The following PMFBP1 variants were observed in gnomAD, a reference collection of about 807,000 sequenced individuals.
PMFBP1 encodes the protein polyamine modulated factor 1 binding protein 1.
PMFBP1 carries 131 observed loss-of-function variants against 137.8 expected under a neutral mutation model. That is an observed-to-expected ratio of 0.95 (90% CI 0.82 to 1.10). The LOEUF is 1.10. PMFBP1 is among the 50% of genes least tolerant of loss of function. The pLI, the probability that PMFBP1 is intolerant of heterozygous loss-of-function variation, is 0.00. For synonymous variants in PMFBP1, 490 were observed against 450.4 expected, an observed-to-expected ratio of 1.09 and a Z score of -1.11; for missense variants, 1,199 against 1,175.4, an observed-to-expected ratio of 1.02 and a Z score of -0.29.
In PMFBP1 at chr16:72,164,838, C is replaced by G. The variant is rs370417430; in HGVS notation, c.91G>C (p.Asp31His). 1 of 1,610,010 alleles carries G rather than the reference C, an allele frequency of 6.2e-7. No individual in the cohort carries two copies. The highest frequency in any genetic ancestry group is 8.5e-7 in the Non-Finnish European group (1 of 1,176,696). ...GTCTTCCTCTGTCTCTTGCAGACAT[C>G]GTGCAGATTCTTGATGTCAAGTTGC... is the stretch of plus-strand genomic sequence containing the variant. ...SLQLDIKNLH[D>H]VCKRQRKTLQ... The change falls in exon 3 of 21, where the codon GAT becomes CAT. Residue 31 changes from aspartate to histidine, a missense_variant. By Grantham distance (81) the Asp-to-His change is moderately conservative. Coordinates refer to ENST00000237353, the MANE Select transcript of PMFBP1 (RefSeq NM_031293.3).
chr16:72,207,569 G>C, the PMFBP1 span, among the ~76,000 whole-genome samples: 9 of 152,104 alleles, frequency 5.9e-5, no homozygotes, highest in African/African-American at 1.2e-4. Context: ...GAGGTTGTGA[G>C]AGGAGGGCTG....
At chr16:72,174,815 T>C (rs1435384577), upstream of PMFBP1, among the ~76,000 whole-genome samples, 1 of 152,170 alleles carries the variant, frequency 6.6e-6, no homozygotes, top group Non-Finnish European at 1.5e-5. Flanking sequence ...ACCCCATGAT[T>C]CAATTACCTC....
chr16:72,137,480 G>C (rs2042650036), intron 7 of PMFBP1, among the ~76,000 whole-genome samples: 1 of 152,228 alleles, frequency 6.6e-6, no homozygotes, highest in African/African-American at 2.4e-5. Flanking sequence ...GCAATTTTAA[G>C]TAGGAGGATG....
Position 72,140,528 on chromosome 16 carries a change from T to C in PMFBP1, c.691A>G (p.Met231Val). The change falls in exon 6 of 21, where the codon ATG becomes GTG. Residue 231 changes from methionine (M) to valine (V), a missense_variant. Coordinates refer to ENST00000237353, the MANE Select transcript of PMFBP1 (RefSeq NM_031293.3). ...SKVRIYTSPC[M>V]IQEHQETQKR... ...TGAGTCTCCTGATGCTCTTGAATCA[T>C]GCAAGGAGAAGTGTATATCCGTACC... 6.8e-6 allele frequency: 11 copies of C among 1,613,494 alleles called. No individual in the cohort carries two copies. The highest frequency in any genetic ancestry group is 2.7e-5 in the African/African-American group (2 of 75,038).
At chr16:72,134,620 C>T (rs982861666) in intron 9 of PMFBP1, among the ~76,000 whole-genome samples, 1 of 152,232 alleles carries the variant, frequency 6.6e-6, no homozygotes, top group Non-Finnish European at 1.5e-5. Flanking sequence ...TGTCTGACCT[C>T]ACCCCTTGCC....
the PMFBP1 span, among the ~76,000 whole-genome samples, chr16:72,205,129 G>C: frequency 1.1e-4 from 16 of 152,288 alleles, no homozygotes; most frequent in Admixed American, 1.0e-3. Flanking sequence ...CCAGGACCAG[G>C]GCCTTACAGT....
chr16:72,122,754 A>C (rs1391357868), intron 19 of PMFBP1, among the ~76,000 whole-genome samples, 160 bp downstream of exon 19: 1 of 152,132 alleles, frequency 6.6e-6, no homozygotes, highest in Non-Finnish European at 1.5e-5. Flanking sequence ...TGATATACCC[A>C]AGGTCACATA....
the PMFBP1 span, among the ~76,000 whole-genome samples, chr16:72,215,905 T>C: frequency 6.6e-6 from 1 of 152,204 alleles, no homozygotes; most frequent in Non-Finnish European, 1.5e-5. Flanking sequence ...AGGATAAATA[T>C]ACTAACTACC....
At chr16:72,208,133 C>T in the PMFBP1 span, among the ~76,000 whole-genome samples, 1 of 152,206 alleles carries the variant, frequency 6.6e-6, no homozygotes, top group Non-Finnish European at 1.5e-5. Context: ...AAATGTTAAA[C>T]TCATCCACAA....
chr16:72,195,275 C>A, the PMFBP1 span, among the ~76,000 whole-genome samples: 2 of 152,170 alleles, frequency 1.3e-5, no homozygotes, highest in Non-Finnish European at 2.9e-5. Context: ...GTTCTCTGAG[C>A]CGCACTGCAG....
the PMFBP1 span, among the ~76,000 whole-genome samples, chr16:72,230,853 A>G: frequency 6.6e-6 from 1 of 152,132 alleles, no homozygotes; most frequent in Admixed American, 6.6e-5. Flanking sequence ...TGCTCCCTCC[A>G]TTCCATCACT....
intron 18 of PMFBP1, 38 bp downstream of exon 18, chr16:72,123,508 G>C (rs1488826347): frequency 6.3e-7 from 1 of 1,590,438 alleles, no homozygotes; most frequent in East Asian, 2.2e-5. Context: ...CTCAGTCCAG[G>C]CCTCGGACCC....
intron 11 of PMFBP1, 36 bp from the exon 12 acceptor site, chr16:72,130,393 C>T: frequency 6.2e-7 from 1 of 1,613,780 alleles, no homozygotes; most frequent in Non-Finnish European, 8.5e-7. Context: ...GGACAGACTT[C>T]AGTGCCCATG....
the PMFBP1 span, among the ~76,000 whole-genome samples, chr16:72,237,049 T>C: frequency 6.6e-6 from 1 of 152,192 alleles, no homozygotes; most frequent in African/African-American, 2.4e-5. Context: ...TCCAGATTTA[T>C]GAACTAAAGC....
At chr16:72,163,296 G>A (rs921539673) in intron 3 of PMFBP1, among the ~76,000 whole-genome samples, 3 of 152,206 alleles carry the variant, frequency 2.0e-5, no homozygotes, top group African/African-American at 7.2e-5. Context: ...TCTCCCAGAT[G>A]GCTCCCCAGC....
chr16:72,134,834 C>A (rs767342371), intron 9 of PMFBP1, among the ~76,000 whole-genome samples: 2 of 152,174 alleles, frequency 1.3e-5, no homozygotes, highest in Non-Finnish European at 2.9e-5. Flanking sequence ...GTACAACCGC[C>A]ATCAAGCTGT....
At chr16:72,140,890 T>C (rs2042709516) in intron 5 of PMFBP1, among the ~76,000 whole-genome samples, 1 of 151,168 alleles carries the variant, frequency 6.6e-6, no homozygotes, top group African/African-American at 2.4e-5. Context: ...TTTATGCATA[T>C]TTGCATAAAA....
At chr16:72,122,817 C>A in intron 19 of PMFBP1, 97 bp downstream of exon 19, 2 of 1,150,254 alleles carry the variant, frequency 1.7e-6, no homozygotes, top group Admixed American at 2.0e-5. Flanking sequence ...CTTTCCTGGG[C>A]TGATCCCCCT....
chr16:72,212,472 G>A, the PMFBP1 span, among the ~76,000 whole-genome samples: 3 of 146,730 alleles, frequency 2.0e-5, no homozygotes, highest in East Asian at 2.0e-4. Context: ...AATTTGTAAC[G>A]GGTTGTATTG....
Sources: allele counts gnomAD v4.1 joint callset (sites outside exome capture counted in the v4.1 genomes callset), GRCh38; gene constraint gnomAD v4.1.1; transcripts MANE v1.5; gene names NCBI Gene and HGNC (gene_info 2026-07-23, HGNC 2026-07-21).